The following KCNIP4 variants were observed in gnomAD, a reference collection of about 807,000 sequenced individuals.
KCNIP4 encodes potassium voltage-gated channel interacting protein 4, also known as Kv channel-interacting protein 4.
In KCNIP4, 12 loss-of-function variants were observed where a neutral mutation model predicts 34.0. The ratio of observed to expected loss-of-function variants is 0.35; its 90% CI spans 0.23 to 0.57. KCNIP4 has a LOEUF of 0.57. KCNIP4 is among the 20% of genes least tolerant of loss of function. The probability of loss-of-function intolerance (pLI) is 0.83; values close to 1 mark genes in which losing one functional copy is unlikely to be tolerated. For synonymous variants in KCNIP4, 124 were observed against 102.2 expected, an observed-to-expected ratio of 1.21 and a Z score of -1.29; for missense variants, 238 against 311.7, an observed-to-expected ratio of 0.76 and a Z score of 1.78.
At chr4:21,694,922 A>AAAAAAAAT (rs1712103234) in intron 1 of KCNIP4, among the ~76,000 whole-genome samples, 3 of 95,168 alleles carry the variant, frequency 3.2e-5, no homozygotes, top group African/African-American at 1.2e-4. Context: ...ACCAAAAAAA[A>AAAAAAAAT]AAAAAAAATA....
intron 1 of KCNIP4, among the ~76,000 whole-genome samples, chr4:21,342,532 C>T (rs1578102396): frequency 6.6e-6 from 1 of 152,118 alleles, no homozygotes; most frequent in East Asian, 1.9e-4. Flanking sequence ...AACACACTTC[C>T]TCTGACAATA....
At chr4:21,602,462 C>T (rs1054901995) in intron 1 of KCNIP4, among the ~76,000 whole-genome samples, 5 of 152,032 alleles carry the variant, frequency 3.3e-5, no homozygotes, top group Non-Finnish European at 7.4e-5. Context: ...GATGTGAGAA[C>T]AGTGATGATC....
At chr4:21,107,779 T>C (rs1748718496) in intron 1 of KCNIP4, among the ~76,000 whole-genome samples, 1 of 151,554 alleles carries the variant, frequency 6.6e-6, no homozygotes, top group Admixed American at 6.6e-5. Flanking sequence ...TCAGGAGCTC[T>C]TTTAGGGCAG....
chr4:21,432,710 T>C (rs754940053), intron 1 of KCNIP4, among the ~76,000 whole-genome samples: 5 of 152,162 alleles, frequency 3.3e-5, no homozygotes, highest in Non-Finnish European at 7.3e-5. Flanking sequence ...GGCAAATTGA[T>C]GTGTAATCAA....
intron 3 of KCNIP4, among the ~76,000 whole-genome samples, chr4:20,810,888 A>C (rs888307853): frequency 6.6e-6 from 1 of 152,194 alleles, no homozygotes; most frequent in African/African-American, 2.4e-5. Flanking sequence ...ATTTCTTGCT[A>C]AATTCCATTG....
chr4:20,934,585 T>C (rs950845077), intron 1 of KCNIP4, among the ~76,000 whole-genome samples: 2 of 152,238 alleles, frequency 1.3e-5, no homozygotes, highest in Admixed American at 6.5e-5. Context: ...TTGATTTGCT[T>C]CTCTCTTTAA....
chr4:21,935,231 G>C (rs1166490479), intron 1 of KCNIP4, among the ~76,000 whole-genome samples: 1 of 151,872 alleles, frequency 6.6e-6, no homozygotes, highest in Non-Finnish European at 1.5e-5. Flanking sequence ...TTAATGCCTC[G>C]ACAACTTTGA....
At chr4:21,290,433 A>T (rs2109201804) in intron 1 of KCNIP4, among the ~76,000 whole-genome samples, 1 of 152,320 alleles carries the variant, frequency 6.6e-6, no homozygotes, top group Non-Finnish European at 1.5e-5. Context: ...ACATGCCAAA[A>T]AGTGACATGT....
At chr4:20,850,106 A>T (rs768538692) in intron 3 of KCNIP4, among the ~76,000 whole-genome samples, 3 of 152,210 alleles carry the variant, frequency 2.0e-5, no homozygotes, top group Non-Finnish European at 2.9e-5. Context: ...AGACATTGGC[A>T]GCATGGTTTT....
At chr4:21,728,493 C>T (rs1715362570) in intron 1 of KCNIP4, among the ~76,000 whole-genome samples, 1 of 152,136 alleles carries the variant, frequency 6.6e-6, no homozygotes, top group Non-Finnish European at 1.5e-5. Flanking sequence ...TGCTTCTGCC[C>T]TTGCTGCCTT....
chr4:21,211,229 CCATAT>C lies in KCNIP4; in HGVS notation c.62-328525_62-328521del, dbSNP rs775958558. Among the ~76,000 whole-genome samples, 4 of 152,196 alleles carry C rather than the reference CCATAT, an allele frequency of 2.6e-5. No individual in the cohort carries two copies. In the East Asian group the frequency reaches 7.7e-4, roughly 29 times the overall value. On this transcript the variant is annotated intron_variant, in intron 1 of 8. Transcript: ENST00000382152. The stretch of plus-strand genomic sequence containing the variant: ...CTAGAAATGTAAGTTATTATTTCTC[CCATAT>C]CTATTGCTATATAAACTGTGCACTT...
At chr4:21,601,015 G>A (rs1303134841) in intron 1 of KCNIP4, among the ~76,000 whole-genome samples, 4 of 151,472 alleles carry the variant, frequency 2.6e-5, no homozygotes, top group East Asian at 3.9e-4. Context: ...AGTCACTAAC[G>A]TTAAACAAAC....
Position 20,741,923 on chromosome 4 carries a change from CAG to C in KCNIP4, c.430-7190_430-7189del, listed in dbSNP as rs543204833. Among the ~76,000 whole-genome samples, 205 of 152,314 alleles carry C rather than the reference CAG, an allele frequency of 1.3e-3. 1 individual carries two copies. Among genetic ancestry groups the C allele is most frequent in the Admixed American group, 2.3e-3 (35 of 15,306 alleles). ...ATCCCACAGAAATACAAACTACCAT[CAG>C]AGAATACGATGAACACCTCTATGCG... is the stretch of plus-strand genomic sequence containing the variant. On this transcript the variant is annotated intron_variant, in intron 5 of 8. Transcript: ENST00000382152.
At chr4:21,506,442 A>G (rs1481386407) in intron 1 of KCNIP4, among the ~76,000 whole-genome samples, 1 of 152,236 alleles carries the variant, frequency 6.6e-6, no homozygotes, top group Non-Finnish European at 1.5e-5. Context: ...AAAACAATAC[A>G]TGGCACCTAG....
At chr4:21,731,261 G>C (rs1359604203) in intron 1 of KCNIP4, among the ~76,000 whole-genome samples, 1 of 152,052 alleles carries the variant, frequency 6.6e-6, no homozygotes, top group African/African-American at 2.4e-5. Flanking sequence ...ATATTATCTA[G>C]CTTCTTTACA....
intron 1 of KCNIP4, among the ~76,000 whole-genome samples, chr4:21,626,638 C>A (rs143375333): frequency 1.3e-5 from 2 of 152,098 alleles, no homozygotes; most frequent in African/African-American, 2.4e-5. Flanking sequence ...GCAGTGGCAA[C>A]TACCCCATCT....
intron 1 of KCNIP4, among the ~76,000 whole-genome samples, chr4:21,061,670 A>G (rs775908354): frequency 6.6e-6 from 1 of 152,212 alleles, no homozygotes; most frequent in Admixed American, 6.5e-5. Flanking sequence ...ATTGTATTTT[A>G]GGACCTTTCT....
At chr4:21,146,640 G>C (rs1241922160) in intron 1 of KCNIP4, among the ~76,000 whole-genome samples, 2 of 152,110 alleles carry the variant, frequency 1.3e-5, no homozygotes, top group African/African-American at 4.8e-5. Context: ...TGGCAAATTT[G>C]TTATCAGCGG....
In KCNIP4 at chr4:21,079,332, G is replaced by T. The variant is rs150421739; in HGVS notation, c.62-196623C>A. Among the ~76,000 whole-genome samples, 10 of 152,166 alleles carry T rather than the reference G, an allele frequency of 6.6e-5. No individual in the cohort carries two copies. In the East Asian group the frequency reaches 1.9e-3, roughly 29 times the overall value. On this transcript the variant is annotated intron_variant, in intron 1 of 8. Coordinates refer to ENST00000382152, the MANE Select transcript of KCNIP4 (RefSeq NM_025221.6). Reference sequence around the variant, plus strand: ...CCAAAATGTAATAAATGCTCAGTAAGTATCTGTGGAGATTATATATTTAAA... The same window carrying T: ...CCAAAATGTAATAAATGCTCAGTAATTATCTGTGGAGATTATATATTTAAA...
Sources: allele counts gnomAD v4.1 joint callset (sites outside exome capture counted in the v4.1 genomes callset), GRCh38; gene constraint gnomAD v4.1.1; transcripts MANE v1.5; gene names NCBI Gene and HGNC (gene_info 2026-07-23, HGNC 2026-07-21).